The following UNC13C variants were observed in gnomAD, a reference collection of about 807,000 sequenced individuals.
UNC13C encodes the protein unc-13 homolog C, also known as protein unc-13 homolog C.
UNC13C carries 174 observed loss-of-function variants against 245.4 expected under a neutral mutation model. The observed-to-expected ratio is 0.71, with a 90% CI of 0.63 to 0.80. The LOEUF is 0.80. Ranked by LOEUF, UNC13C falls within the 30% of genes least tolerant of loss-of-function variation. The probability of loss-of-function intolerance (pLI) is 0.00; values close to 1 mark genes in which losing one functional copy is unlikely to be tolerated. For synonymous variants in UNC13C, 992 were observed against 895.1 expected (o/e 1.11, Z -1.93); for missense variants, 2,829 against 2,602.9 (o/e 1.09, Z -1.89).
rs146299986 is a variant in UNC13C at position 54,427,727 on chromosome 15, T to A, written c.4933+12660T>A. 5.0e-3 allele frequency among the ~76,000 whole-genome samples: 758 copies of A among 151,954 alleles called. 5 individuals are homozygous for A. The highest frequency in any genetic ancestry group is 0.017 in the African/African-American group (709 of 41,510). Reference sequence around the variant, plus strand: ...AAAGAAATTGTAGCTTATTATATTTTACTATTGACAACTTTTCTTTTTATA... The same window carrying A: ...AAAGAAATTGTAGCTTATTATATTTAACTATTGACAACTTTTCTTTTTATA... On this transcript the variant is annotated intron_variant, in intron 19 of 32. Coordinates refer to ENST00000260323, the MANE Select transcript of UNC13C (RefSeq NM_001080534.3).
intron 4 of UNC13C, among the ~76,000 whole-genome samples, chr15:54,156,877 T>C (rs2032772174): frequency 6.6e-6 from 1 of 151,352 alleles, no homozygotes; most frequent in South Asian, 2.1e-4. Flanking sequence ...AGAAGTCTTA[T>C]CATAAAGAAA....
At chr15:54,116,993 A>G (rs533273664) in intron 2 of UNC13C, among the ~76,000 whole-genome samples, 19 of 152,074 alleles carry the variant, frequency 1.2e-4, no homozygotes, top group Non-Finnish European at 1.6e-4. Flanking sequence ...ATATCACATT[A>G]TGGTTTTGAT....
chr15:53,940,904 A>T, the UNC13C span, among the ~76,000 whole-genome samples: 1 of 152,236 alleles, frequency 6.6e-6, no homozygotes, highest in East Asian at 1.9e-4. Flanking sequence ...TAATTTATCA[A>T]TGCTATTCCT....
At chr15:54,475,667 A>G (rs938877299) in intron 19 of UNC13C, among the ~76,000 whole-genome samples, 1 of 148,760 alleles carries the variant, frequency 6.7e-6, no homozygotes, top group Non-Finnish European at 1.5e-5. Context: ...ATAGTATTCC[A>G]TGGTGTATAT....
At chr15:54,569,250 C>T (rs978179717) in intron 30 of UNC13C, among the ~76,000 whole-genome samples, 5 of 152,160 alleles carry the variant, frequency 3.3e-5, no homozygotes, top group African/African-American at 1.2e-4. Flanking sequence ...AGTCATCCCT[C>T]GGTATCCCTG....
At chr15:53,888,914 T>G in the UNC13C span, among the ~76,000 whole-genome samples, 3 of 152,226 alleles carry the variant, frequency 2.0e-5, no homozygotes, top group Non-Finnish European at 4.4e-5. Flanking sequence ...TCTAAATATC[T>G]GTTTTGGTAC....
rs529450086 is a variant in UNC13C at position 54,118,614 on chromosome 15, C to T, written c.2984-24404C>T. Among the ~76,000 whole-genome samples, 7 of 152,102 alleles carry T rather than the reference C, an allele frequency of 4.6e-5. No individual in the cohort carries two copies. The South Asian group carries it at 1.5e-3, about 32-fold the overall frequency. On this transcript the variant is annotated intron_variant, in intron 2 of 32. Coordinates refer to ENST00000260323, the MANE Select transcript of UNC13C (RefSeq NM_001080534.3). ...GAATAGGGATAATTCAACTCATTAC[C>T]TTCCAGTTTGAATGTCCTTTGTTTT...
At chr15:54,367,165 A>G (rs964799974) in intron 17 of UNC13C, among the ~76,000 whole-genome samples, 5 of 152,190 alleles carry the variant, frequency 3.3e-5, no homozygotes, top group African/African-American at 1.2e-4. Flanking sequence ...AAGTACCAAT[A>G]AAACAGAAGA....
the UNC13C span, among the ~76,000 whole-genome samples, chr15:53,939,564 C>T: frequency 1.3e-5 from 2 of 152,098 alleles, no homozygotes; most frequent in Non-Finnish European, 2.9e-5. Flanking sequence ...GTATCCCTGA[C>T]AAACATTGAT....
the UNC13C span, among the ~76,000 whole-genome samples, chr15:53,894,896 TG>T: frequency 1.6e-4 from 25 of 152,186 alleles, no homozygotes; most frequent in Non-Finnish European, 3.4e-4. Context: ...AATCAACTCA[TG>T]GACTATATTA....
intron 2 of UNC13C, among the ~76,000 whole-genome samples, chr15:54,066,614 A>G (rs1312998786): frequency 6.6e-6 from 1 of 152,154 alleles, no homozygotes; most frequent in Non-Finnish European, 1.5e-5. Flanking sequence ...GACCCACTGA[A>G]GTGAGATTTG....
At chr15:53,928,822 A>G in the UNC13C span, among the ~76,000 whole-genome samples, 1 of 152,220 alleles carries the variant, frequency 6.6e-6, no homozygotes, top group South Asian at 2.1e-4. Flanking sequence ...TTAACATACA[A>G]AAGATTATGT....
At chr15:53,940,947 G>GA in the UNC13C span, among the ~76,000 whole-genome samples, 13 of 151,874 alleles carry the variant, frequency 8.6e-5, no homozygotes, top group East Asian at 7.8e-4. Context: ...TGACAAATTA[G>GA]AAAAAAAATC....
the UNC13C span, among the ~76,000 whole-genome samples, chr15:53,892,345 T>C: frequency 5.3e-5 from 8 of 152,194 alleles, no homozygotes; most frequent in Non-Finnish European, 1.2e-4. Flanking sequence ...ATCTGATGAT[T>C]GTGTGTCTTG....
intron 10 of UNC13C, among the ~76,000 whole-genome samples, chr15:54,270,965 G>A (rs567931047): frequency 1.3e-5 from 2 of 152,204 alleles, no homozygotes; most frequent in Admixed American, 6.5e-5. Context: ...AAAGGTAGTT[G>A]AAATAATTTT....
At chr15:54,606,323 A>G (rs538285058) in intron 30 of UNC13C, among the ~76,000 whole-genome samples, 10 of 152,362 alleles carry the variant, frequency 6.6e-5, no homozygotes, top group African/African-American at 2.2e-4. Context: ...AAGATTTCAC[A>G]AAACAAATTT....
intron 18 of UNC13C, among the ~76,000 whole-genome samples, chr15:54,412,028 A>C (rs1170542146): frequency 6.6e-6 from 1 of 152,210 alleles, no homozygotes; most frequent in East Asian, 1.9e-4. Context: ...ATAAGTATTT[A>C]ATAACTTTTG....
At chr15:54,601,695 C>T (rs552518917) in intron 30 of UNC13C, among the ~76,000 whole-genome samples, 5 of 152,132 alleles carry the variant, frequency 3.3e-5, no homozygotes, top group Non-Finnish European at 5.9e-5. Context: ...TTGACTGGTT[C>T]GGACATCCAT....
intron 4 of UNC13C, among the ~76,000 whole-genome samples, chr15:54,167,580 G>T (rs1595936926): frequency 1.0e-5 from 1 of 96,416 alleles, no homozygotes; most frequent in Non-Finnish European, 2.0e-5. Context: ...TGAAATGAGT[G>T]AAAGAATGAG....
Sources: gnomAD v4.1 joint callset for allele counts (sites outside exome capture counted in the v4.1 genomes callset) on GRCh38, gnomAD v4.1.1 for gene constraint, MANE v1.5 for transcripts, NCBI Gene and HGNC (gene_info 2026-07-23, HGNC 2026-07-21) for gene names.